Variants in MAF observed in about 807,000 individuals in gnomAD.
The protein encoded by MAF is transcription factor Maf.
In MAF, 10 loss-of-function variants were observed where a neutral mutation model predicts 22.0. The observed-to-expected ratio is 0.45, with a 90% CI of 0.28 to 0.77. The LOEUF (loss-of-function observed/expected upper bound fraction) is 0.77. Ranked by LOEUF, MAF falls within the 30% of genes least tolerant of loss-of-function variation. MAF has a pLI of 0.12. For missense variants in MAF, 544 were observed against 548.4 expected (o/e 0.99, Z 0.08); for synonymous variants, 337 against 255.8 (o/e 1.32, Z -3.03).
At chr16:79,412,686 T>C in the MAF span, among the ~76,000 whole-genome samples, 2 of 152,150 alleles carry the variant, frequency 1.3e-5, no homozygotes, top group African/African-American at 4.8e-5. Flanking sequence ...GGGATCGCAG[T>C]TCCTGTAGAT....
the MAF span, among the ~76,000 whole-genome samples, chr16:79,429,156 G>A: frequency 6.6e-6 from 1 of 152,146 alleles, no homozygotes; most frequent in Non-Finnish European, 1.5e-5. Flanking sequence ...GCTACCTTGA[G>A]GACTGACTCA....
At chr16:79,397,160 C>A in the MAF span, among the ~76,000 whole-genome samples, 15 of 152,204 alleles carry the variant, frequency 9.9e-5, no homozygotes. Flanking sequence ...TTAAATACAA[C>A]CTACTGTTTG....
At chr16:79,549,203 G>C in the MAF span, among the ~76,000 whole-genome samples, 3 of 152,030 alleles carry the variant, frequency 2.0e-5, no homozygotes, top group Non-Finnish European at 4.4e-5. Flanking sequence ...AGAGTGTCCA[G>C]TGGCATTTCC....
At chr16:79,438,548 G>A in the MAF span, among the ~76,000 whole-genome samples, 2 of 152,170 alleles carry the variant, frequency 1.3e-5, no homozygotes, top group Non-Finnish European at 2.9e-5. Context: ...GGCTCCTGCA[G>A]ACATTCCTCA....
the MAF span, among the ~76,000 whole-genome samples, chr16:79,305,249 C>A: frequency 6.6e-6 from 1 of 152,166 alleles, no homozygotes; most frequent in African/African-American, 2.4e-5. Context: ...CTGACGGTTC[C>A]CACCAGAACC....
At chr16:79,237,665 T>C in the MAF span, among the ~76,000 whole-genome samples, 1 of 149,018 alleles carries the variant, frequency 6.7e-6, no homozygotes, top group Non-Finnish European at 1.5e-5. Context: ...ATCTATCCTA[T>C]AGTTTTCTCA....
chr16:79,335,682 T>A, the MAF span, among the ~76,000 whole-genome samples: 11 of 151,996 alleles, frequency 7.2e-5, no homozygotes, highest in African/African-American at 2.7e-4. Context: ...CATTAATGAG[T>A]TTCCATGAAG....
chr16:79,353,529 T>C, the MAF span, among the ~76,000 whole-genome samples: 2 of 152,260 alleles, frequency 1.3e-5, no homozygotes, highest in Non-Finnish European at 2.9e-5. Context: ...GATCTCCGTA[T>C]CAGGGGAACG....
the MAF span, among the ~76,000 whole-genome samples, chr16:79,326,217 C>T: frequency 1.3e-5 from 2 of 152,050 alleles, no homozygotes; most frequent in African/African-American, 4.8e-5. Flanking sequence ...GAATTTATGC[C>T]TCCCTGCAGA....
At chr16:79,205,252 A>G in the MAF span, 1 of 152,100 alleles carries the variant, frequency 6.6e-6, no homozygotes, top group Non-Finnish European at 1.5e-5. Flanking sequence ...ATGGACTGGC[A>G]CTTTACTCTC....
At chr16:79,249,209 C>T in the MAF span, among the ~76,000 whole-genome samples, 2 of 152,042 alleles carry the variant, frequency 1.3e-5, no homozygotes, top group Admixed American at 1.3e-4. Flanking sequence ...CACCTGAGGT[C>T]GGGAGTTCGA....
At chr16:79,332,377 C>T in the MAF span, among the ~76,000 whole-genome samples, 15 of 152,214 alleles carry the variant, frequency 9.9e-5, no homozygotes, top group African/African-American at 2.2e-4. Context: ...CACATCTCAC[C>T]GCAAACTCCA....
chr16:79,550,393 C>G, the MAF span, among the ~76,000 whole-genome samples: 1 of 152,040 alleles, frequency 6.6e-6, no homozygotes, highest in East Asian at 1.9e-4. Context: ...ACTCTCAACT[C>G]TTGGTCCACC....
At chr16:79,497,697 C>T in the MAF span, among the ~76,000 whole-genome samples, 5 of 152,144 alleles carry the variant, frequency 3.3e-5, no homozygotes, top group Admixed American at 6.5e-5. Flanking sequence ...CAATCCTTGG[C>T]ATATAATGAA....
At chr16:79,434,660 G>C in the MAF span, among the ~76,000 whole-genome samples, 1 of 151,534 alleles carries the variant, frequency 6.6e-6, no homozygotes. Context: ...TAAAGTAGAT[G>C]AGATACCATT....
the MAF span, among the ~76,000 whole-genome samples, chr16:79,526,221 T>C: frequency 1.3e-5 from 2 of 152,224 alleles, no homozygotes; most frequent in Non-Finnish European, 2.9e-5. Context: ...AATTTTTCCA[T>C]GGATGGGTGT....
chr16:79,428,096 T>TAAAAAAAAAAA, the MAF span, among the ~76,000 whole-genome samples: 1 of 104,114 alleles, frequency 9.6e-6, no homozygotes, highest in East Asian at 3.4e-4. Context: ...CGACTCAAAT[T>TAAAAAAAAAAA]AAAAAAAAAA....
chr16:79,588,557 G>C (rs911275023), intron 1 of MAF, among the ~76,000 whole-genome samples: 2 of 151,472 alleles, frequency 1.3e-5, no homozygotes, highest in African/African-American at 4.9e-5. Context: ...TGCCTCCCAG[G>C]TTCAAGCGAT....
chr16:79,561,505 C>A, the MAF span, among the ~76,000 whole-genome samples: 4 of 149,448 alleles, frequency 2.7e-5, no homozygotes, highest in Non-Finnish European at 5.9e-5. Context: ...TGTGATGTTC[C>A]CCTTCCTGTG....
Sources: allele counts gnomAD v4.1 joint callset (sites outside exome capture counted in the v4.1 genomes callset), GRCh38; gene constraint gnomAD v4.1.1; transcripts MANE v1.5; gene names NCBI Gene and HGNC (gene_info 2026-07-23, HGNC 2026-07-21).